Variants in MIPOL1 observed in about 807,000 individuals in gnomAD.
MIPOL1 encodes mirror-image polydactyly gene 1 protein.
In MIPOL1, 57 loss-of-function variants were observed where a neutral mutation model predicts 60.9. The observed-to-expected ratio is 0.94, with a 90% CI of 0.76 to 1.17. The LOEUF is 1.17. MIPOL1 is among the 50% of genes most tolerant of loss of function. The pLI, the probability that MIPOL1 is intolerant of heterozygous loss-of-function variation, is 0.00. For synonymous variants in MIPOL1, 179 were observed against 168.8 expected (o/e 1.06, Z -0.47); for missense variants, 551 against 511.6 (o/e 1.08, Z -0.74).
chr14:37,386,796 G>A (rs2093080386), intron 10 of MIPOL1, among the ~76,000 whole-genome samples: 1 of 151,856 alleles, frequency 6.6e-6, no homozygotes, highest in Non-Finnish European at 1.5e-5. Context: ...GGTGTTAAAA[G>A]GCATAAAGCA....
chr14:37,405,844 A>G (rs1206591053), intron 10 of MIPOL1, among the ~76,000 whole-genome samples: 2 of 151,512 alleles, frequency 1.3e-5, no homozygotes, highest in African/African-American at 2.4e-5. Context: ...TTTTTCTCCA[A>G]TTTAAAAAGT....
chr14:37,454,732 A>G (rs1050529838), intron 11 of MIPOL1, among the ~76,000 whole-genome samples: 1 of 152,230 alleles, frequency 6.6e-6, no homozygotes, highest in African/African-American at 2.4e-5. Context: ...GCATGTATGT[A>G]TAAATCCATG....
At chr14:37,203,970 G>C (rs922189008) in intron 1 of MIPOL1, among the ~76,000 whole-genome samples, 1 of 152,050 alleles carries the variant, frequency 6.6e-6, no homozygotes, top group African/African-American at 2.4e-5. Flanking sequence ...TTTTAGTAGC[G>C]ACAGGGTTTC....
At chr14:37,479,996 G>A (rs969807803) in intron 11 of MIPOL1, among the ~76,000 whole-genome samples, 5 of 152,018 alleles carry the variant, frequency 3.3e-5, no homozygotes, top group Non-Finnish European at 7.4e-5. Flanking sequence ...TGAAAAAGTA[G>A]AAAATCTAAA....
chr14:37,471,290 T>C (rs1323095623), intron 11 of MIPOL1, among the ~76,000 whole-genome samples: 2 of 152,198 alleles, frequency 1.3e-5, no homozygotes, highest in African/African-American at 4.8e-5. Flanking sequence ...ATTTTCATAA[T>C]TTAGTGAGTC....
intron 9 of MIPOL1, among the ~76,000 whole-genome samples, chr14:37,324,466 A>G (rs771819960): frequency 2.0e-5 from 3 of 151,922 alleles, no homozygotes; most frequent in Non-Finnish European, 2.9e-5. Flanking sequence ...TTGATTCTGG[A>G]TGAAGTCCGT....
chr14:37,270,520 C>T lies in MIPOL1; in HGVS notation c.488C>T (p.Thr163Ile). The T allele has an allele frequency of 6.3e-7, 1 of 1,576,794 alleles. No homozygotes were observed. ...ACAGAAGCTAAAATTGCTGAAAAGACAGCAGGTATAGTAGAGGAGTATTAA... is the reference window on the plus strand; with the variant it reads ...ACAGAAGCTAAAATTGCTGAAAAGATAGCAGGTATAGTAGAGGAGTATTAA... ...KETEAKIAEK[T>I]AALVEEVYFA... Residue 163 changes from threonine (T) to isoleucine (I), a missense_variant, in exon 6 of 13, where the codon ACA (threonine) becomes ATA (isoleucine). Transcript: ENST00000684589.
intron 10 of MIPOL1, among the ~76,000 whole-genome samples, chr14:37,417,931 A>C (rs2093801710): frequency 6.6e-6 from 1 of 152,166 alleles, no homozygotes; most frequent in Admixed American, 6.6e-5. Context: ...ACAATTTCCA[A>C]ATGTTTCCCT....
At chr14:37,355,977 GGC>G (rs1234781493) in intron 9 of MIPOL1, among the ~76,000 whole-genome samples, 206 of 145,156 alleles carry the variant, frequency 1.4e-3, no homozygotes, top group African/African-American at 4.7e-3. Flanking sequence ...GAGGAGGAGA[GGC>G]GCTCTGCTTT....
intron 10 of MIPOL1, among the ~76,000 whole-genome samples, chr14:37,394,125 A>T (rs1221067897): frequency 6.2e-5 from 8 of 129,852 alleles, no homozygotes; most frequent in African/African-American, 2.0e-4. Flanking sequence ...CAGTTTGTTT[A>T]TCCGCTCATT....
intron 9 of MIPOL1, among the ~76,000 whole-genome samples, chr14:37,340,254 A>G (rs1385453352): frequency 1.3e-5 from 2 of 152,184 alleles, no homozygotes; most frequent in Admixed American, 1.3e-4. Context: ...TTTAAAAAAA[A>G]GCTTAAATAG....
At chr14:37,542,828 A>G (rs1018243450) in intron 12 of MIPOL1, among the ~76,000 whole-genome samples, 6 of 152,218 alleles carry the variant, frequency 3.9e-5, no homozygotes, top group Admixed American at 1.3e-4. Context: ...GCCCAGCACA[A>G]TGCCTGGCAC....
chr14:37,489,841 A>ACC (rs2095020355), intron 11 of MIPOL1, among the ~76,000 whole-genome samples: 1 of 152,106 alleles, frequency 6.6e-6, no homozygotes, highest in South Asian at 2.1e-4. Context: ...CTAGAGGGGC[A>ACC]CCCACCAGAT....
chr14:37,334,947 A>G (rs1446592859), intron 9 of MIPOL1, among the ~76,000 whole-genome samples: 1 of 151,966 alleles, frequency 6.6e-6, no homozygotes, highest in Non-Finnish European at 1.5e-5. Flanking sequence ...CATTGTTTCC[A>G]CTTTGCGACT....
chr14:37,381,468 G>C (rs1192695107), intron 10 of MIPOL1, among the ~76,000 whole-genome samples: 1 of 151,980 alleles, frequency 6.6e-6, no homozygotes, highest in South Asian at 2.1e-4. Flanking sequence ...ACCTAGCAGA[G>C]GTCAGGTTAG....
chr14:37,531,733 G>A (rs926826456), intron 12 of MIPOL1, among the ~76,000 whole-genome samples: 5 of 152,160 alleles, frequency 3.3e-5, no homozygotes, highest in Admixed American at 6.5e-5. Context: ...CAGGAGACAG[G>A]TTTGTGGCTA....
intron 12 of MIPOL1, among the ~76,000 whole-genome samples, chr14:37,501,008 C>G (rs2095207846): frequency 6.6e-6 from 1 of 152,164 alleles, no homozygotes; most frequent in Non-Finnish European, 1.5e-5. Flanking sequence ...TTACTTCCCA[C>G]TACTTCTTAT....
Position 37,548,171 on chromosome 14 carries a change from A to G in MIPOL1, c.*1200A>G, listed in dbSNP as rs190955712. On this transcript the variant is annotated 3_prime_UTR_variant, in exon 13 of 13. Transcript: ENST00000684589. ...GGGAAGTAAAATTTTTTCTAAGTCT[A>G]TACGTTTTTAATTCATCTTTAAGAT... is the stretch of plus-strand genomic sequence containing the variant. 49 of 152,154 alleles carry G rather than the reference A, an allele frequency of 3.2e-4. No individual in the cohort carries two copies. Among genetic ancestry groups the G allele is most frequent in the African/African-American group, 1.1e-3 (47 of 41,588 alleles). 9.4% of individuals were successfully genotyped at this position (152,154 alleles called of 1,614,324 possible). A position where few individuals can be genotyped will look rare whatever the true frequency, so the allele number is the denominator to read the frequency against.
chr14:37,434,919 A>G (rs145057361), intron 11 of MIPOL1, among the ~76,000 whole-genome samples: 169 of 151,988 alleles, frequency 1.1e-3, no homozygotes, highest in African/African-American at 3.8e-3. Context: ...ATATCTCATT[A>G]CCGTAGCCTA....
Sources: gnomAD v4.1 joint callset for allele counts (sites outside exome capture counted in the v4.1 genomes callset) on GRCh38, gnomAD v4.1.1 for gene constraint, MANE v1.5 for transcripts, NCBI Gene and HGNC (gene_info 2026-07-23, HGNC 2026-07-21) for gene names.